RBFOX1: variants seen among roughly 807,000 people sequenced by gnomAD.
RBFOX1 encodes RNA binding protein fox-1 homolog 1.
In RBFOX1, 8 loss-of-function variants were observed where a neutral mutation model predicts 57.7. That is an observed-to-expected ratio of 0.14 (90% CI 0.08 to 0.25). The LOEUF is 0.25. Ranked by LOEUF, RBFOX1 falls within the 10% of genes least tolerant of loss-of-function variation. The pLI, the probability that RBFOX1 is intolerant of heterozygous loss-of-function variation, is 1.00. For synonymous variants in RBFOX1, 326 were observed against 222.4 expected (o/e 1.47, Z -4.15); for missense variants, 611 against 548.5 (o/e 1.11, Z -1.14).
chr16:6,886,749 T>C, intron 3 of RBFOX1, among the ~76,000 whole-genome samples: 1 of 111,710 alleles, frequency 9.0e-6, no homozygotes, highest in Non-Finnish European at 1.9e-5. Context: ...AGTGAGACTC[T>C]ATCTGAAAAA....
intron 5 of RBFOX1, among the ~76,000 whole-genome samples, chr16:7,575,003 T>C (rs576053337): frequency 5.2e-4 from 77 of 148,914 alleles, no homozygotes; most frequent in Non-Finnish European, 1.0e-3. Context: ...GAGGGAATGG[T>C]GACCTCCAAA....
intron 3 of RBFOX1, among the ~76,000 whole-genome samples, chr16:6,919,906 C>A (rs2074088148): frequency 6.6e-6 from 1 of 151,710 alleles, no homozygotes; most frequent in Non-Finnish European, 1.5e-5. Context: ...ACACTGTACC[C>A]AGTGTGTCAT....
At chr16:5,316,767 C>A (rs7206134) in intron 1 of RBFOX1, among the ~76,000 whole-genome samples, 2,129 of 152,204 alleles carry the variant, frequency 0.014, 42 homozygotes, top group African/African-American at 0.049. Context: ...AAAGGGAAAC[C>A]CAGGTGGTTT....
intron 2 of RBFOX1, among the ~76,000 whole-genome samples, 190 bp downstream of exon 2, chr16:6,317,247 T>C (rs1164066247): frequency 6.6e-6 from 1 of 152,172 alleles, no homozygotes; most frequent in East Asian, 1.9e-4. Flanking sequence ...CACCCTCCTT[T>C]AGCCCTCCCT....
chr16:6,793,941 A>C (rs930965168), intron 3 of RBFOX1, among the ~76,000 whole-genome samples: 9 of 152,136 alleles, frequency 5.9e-5, no homozygotes, highest in Non-Finnish European at 1.3e-4. Context: ...TCACATACTG[A>C]GATGAAAACA....
In RBFOX1 at chr16:5,300,443, C is replaced by G. The variant is rs999692699; in HGVS notation, c.219+60338C>G. ...TTGGGTGATGAGTGCATCAAAATCT[C>G]AGAAACCACCACTAATGAATTTATT... On this transcript the variant is annotated intron_variant, in intron 1 of 2. Coordinates refer to the RBFOX1 transcript ENST00000585867. Among the ~76,000 whole-genome samples the G allele has an allele frequency of 1.8e-4, 27 of 152,090 alleles. 4 individuals carry two copies. Among genetic ancestry groups the G allele is most frequent in the Admixed American group, 1.7e-3 (26 of 15,272 alleles).
At chr16:7,276,129 G>C (rs1199134433) in intron 4 of RBFOX1, among the ~76,000 whole-genome samples, 1 of 152,200 alleles carries the variant, frequency 6.6e-6, no homozygotes, top group East Asian at 1.9e-4. Flanking sequence ...TAGATTTAAA[G>C]AGACCCTGCA....
At chr16:5,535,062 G>A (rs963261935) in intron 2 of RBFOX1, among the ~76,000 whole-genome samples, 1 of 152,176 alleles carries the variant, frequency 6.6e-6, no homozygotes, top group African/African-American at 2.4e-5. Flanking sequence ...AGATCCTACT[G>A]GAGAGAGATA....
intron 2 of RBFOX1, among the ~76,000 whole-genome samples, chr16:6,613,687 A>G (rs1466494865): frequency 6.6e-6 from 1 of 152,254 alleles, no homozygotes; most frequent in East Asian, 1.9e-4. Context: ...TTTTTTAAAA[A>G]AGGTAGATAA....
At chr16:6,874,974 C>A (rs1038053694) in intron 3 of RBFOX1, among the ~76,000 whole-genome samples, 3 of 152,160 alleles carry the variant, frequency 2.0e-5, no homozygotes, top group Admixed American at 6.6e-5. Context: ...GGCTTCATAA[C>A]CCATGTTACT....
At position 7,709,001 on chromosome 16, in the gene RBFOX1, T is replaced by TATTGTTTTGTA. The variant is rs1234244728; in HGVS notation, c.996-50_996-40dup. ...TTGGTATTTTGGATTTTATGATTGT[T>TATTGTTTTGTA]ATTGTTTTGTAATTGCATACTGTGG... is the stretch of plus-strand genomic sequence containing the variant. On this transcript the variant is annotated intron_variant, in intron 14 of 15. Coordinates refer to ENST00000550418, the MANE Select transcript of RBFOX1 (RefSeq NM_018723.4). The TATTGTTTTGTA allele has an allele frequency of 7.9e-6, 12 of 1,511,770 alleles. No homozygotes were observed. The East Asian group carries it at 2.7e-4, about 34-fold the overall frequency. The allele number at this position is 1,511,770 out of a possible 1,614,324, so 93.6% of individuals were successfully genotyped here.
At chr16:7,142,247 C>T (rs781467325) in intron 4 of RBFOX1, among the ~76,000 whole-genome samples, 1 of 152,116 alleles carries the variant, frequency 6.6e-6, no homozygotes, top group Non-Finnish European at 1.5e-5. Context: ...TGGCCTTGAT[C>T]TGCTGAGCTC....
intron 1 of RBFOX1, among the ~76,000 whole-genome samples, chr16:6,236,212 G>C (rs1410342519): frequency 6.6e-6 from 1 of 152,070 alleles, no homozygotes; most frequent in Non-Finnish European, 1.5e-5. Flanking sequence ...TGTTGAAAGA[G>C]CAAGCTCTGG....
intron 4 of RBFOX1, among the ~76,000 whole-genome samples, chr16:5,950,860 A>G (rs761776235): frequency 7.2e-5 from 11 of 152,054 alleles, no homozygotes; most frequent in Non-Finnish European, 1.5e-4. Flanking sequence ...AAGTGCCAGG[A>G]GAGAGGGAGC....
chr16:6,180,426 G>C (rs1272445618), intron 1 of RBFOX1, among the ~76,000 whole-genome samples: 1 of 150,956 alleles, frequency 6.6e-6, no homozygotes, highest in Non-Finnish European at 1.5e-5. Context: ...TTGTCCATAA[G>C]ATACCCTTAT....
chr16:6,358,831 C>G (rs999092996), intron 2 of RBFOX1, among the ~76,000 whole-genome samples: 7 of 152,148 alleles, frequency 4.6e-5, no homozygotes, highest in African/African-American at 1.2e-4. Flanking sequence ...TATCTTTTAT[C>G]TCTCTGTTTT....
At chr16:7,560,556 G>GT (rs2090081608) in intron 5 of RBFOX1, among the ~76,000 whole-genome samples, 1 of 149,342 alleles carries the variant, frequency 6.7e-6, no homozygotes, top group South Asian at 2.1e-4. Context: ...AGCAAAAATT[G>GT]TTTTTTGGAA....
At chr16:6,877,430 C>G (rs746625957) in intron 3 of RBFOX1, among the ~76,000 whole-genome samples, 18 of 152,048 alleles carry the variant, frequency 1.2e-4, no homozygotes, top group Non-Finnish European at 1.9e-4. Flanking sequence ...ATCACAGAGA[C>G]AAGCAAAACC....
intron 4 of RBFOX1, among the ~76,000 whole-genome samples, chr16:7,296,359 A>G (rs1328516898): frequency 6.6e-6 from 1 of 150,570 alleles, no homozygotes; most frequent in African/African-American, 2.4e-5. Context: ...TGTATGTATG[A>G]ATGTACTACC....
Sources: gnomAD v4.1 joint callset for allele counts (sites outside exome capture counted in the v4.1 genomes callset) on GRCh38, gnomAD v4.1.1 for gene constraint, MANE v1.5 for transcripts, NCBI Gene and HGNC (gene_info 2026-07-23, HGNC 2026-07-21) for gene names.